The following CFAP44 variants were observed in gnomAD, a reference collection of about 807,000 sequenced individuals.
The protein encoded by CFAP44 is cilia and flagella associated protein 44.
A neutral mutation model predicts 216.2 loss-of-function variants in CFAP44; 134 were observed. The ratio of observed to expected loss-of-function variants is 0.62; its 90% CI spans 0.54 to 0.72. The LOEUF (loss-of-function observed/expected upper bound fraction) is 0.72, where lower values mean the gene tolerates loss of function less well. CFAP44 is among the 30% of genes least tolerant of loss of function. The pLI is 0.00. For missense variants in CFAP44, 2,035 were observed against 2,182.1 expected (o/e 0.93, Z 1.34); for synonymous variants, 700 against 727.6 (o/e 0.96, Z 0.61).
chr3:113,418,040 A>T (rs1269537289), intron 5 of CFAP44, among the ~76,000 whole-genome samples: 1 of 145,172 alleles, frequency 6.9e-6, no homozygotes, highest in Admixed American at 6.9e-5. Context: ...TATTTATTTA[A>T]TTATTTATTG....
intron 28 of CFAP44, among the ~76,000 whole-genome samples, chr3:113,323,525 C>T (rs1051505585): frequency 1.3e-5 from 2 of 152,148 alleles, no homozygotes; most frequent in African/African-American, 4.8e-5. Context: ...ACTATGCTCA[C>T]TACCTGGGTG....
chr3:113,308,939 G>T (rs1444399827), intron 28 of CFAP44, among the ~76,000 whole-genome samples: 2 of 152,168 alleles, frequency 1.3e-5, no homozygotes, highest in Non-Finnish European at 2.9e-5. Flanking sequence ...CTGAAATAAA[G>T]TAATGACATT....
rs1466558225 is a variant in CFAP44, at chr3:113,415,727, AC to A, written c.673+797del. On this transcript the variant is annotated intron_variant, in intron 6 of 34. Coordinates refer to ENST00000393845, the MANE Select transcript of CFAP44 (RefSeq NM_001164496.2). Reference sequence around the variant, plus strand: ...ATTTGATTGCACTGTGGTCTGAGAGACTGTTATGATTTCAACTCTTATGCAT... The same window carrying A: ...ATTTGATTGCACTGTGGTCTGAGAGATGTTATGATTTCAACTCTTATGCAT... 2.6e-5 allele frequency among the ~76,000 whole-genome samples: 4 copies of A among 152,058 alleles called. No homozygotes were observed. The East Asian group carries it at 7.7e-4, about 29-fold the overall frequency.
chr3:113,363,429 T>C (rs919763891), intron 20 of CFAP44, 48 bp downstream of exon 20: 2 of 1,586,386 alleles, frequency 1.3e-6, no homozygotes, highest in Non-Finnish European at 1.7e-6. Flanking sequence ...TGTTGATTTG[T>C]TTTGCAAAAT....
intron 21 of CFAP44, among the ~76,000 whole-genome samples, chr3:113,362,647 G>A (rs1227797058): frequency 6.6e-6 from 1 of 152,070 alleles, no homozygotes; most frequent in Non-Finnish European, 1.5e-5. Flanking sequence ...CAGAGTGCAG[G>A]GATGCACATA....
At chr3:113,296,976 T>G (rs1395917536) in intron 32 of CFAP44, 91 bp from the exon 33 acceptor site, 3 of 1,400,956 alleles carry the variant, frequency 2.1e-6, no homozygotes, top group Non-Finnish European at 2.9e-6. Flanking sequence ...AGGAACTGCT[T>G]TTGCAAGATG....
intron 13 of CFAP44, 117 bp from the exon 14 acceptor site, chr3:113,396,844 CT>C (rs1319248914): frequency 2.1e-6 from 2 of 962,938 alleles, no homozygotes; most frequent in East Asian, 5.2e-5. Flanking sequence ...ATTGGCAATT[CT>C]TTATATCACT....
chr3:113,304,986 T>TTC (rs1265485419), intron 31 of CFAP44, 50 bp downstream of exon 31: 1 of 1,478,986 alleles, frequency 6.8e-7, no homozygotes, highest in African/African-American at 1.4e-5. Context: ...AAAGCTTGGG[T>TTC]GTGATGACTC....
intron 8 of CFAP44, among the ~76,000 whole-genome samples, chr3:113,404,485 T>C (rs1934224144): frequency 6.6e-6 from 1 of 152,206 alleles, no homozygotes; most frequent in South Asian, 2.1e-4. Flanking sequence ...AATTAGCCTG[T>C]TTAATCTGGC....
rs568155408 is a variant in CFAP44 at position 113,347,495 on chromosome 3, G to A, written c.3066-2783C>T. Among the ~76,000 whole-genome samples the A allele has an allele frequency of 2.0e-3, 307 of 152,154 alleles. 1 individual carries two copies. Among genetic ancestry groups the A allele is most frequent in the Non-Finnish European group, 4.0e-3 (269 of 68,014 alleles). ...TAATCCCGCTTCTAAAAACTACCCC[G>A]TCTCTGGTGCTTTTCTAGTTTCTCC... On this transcript the variant is annotated intron_variant, in intron 22 of 34. Coordinates refer to ENST00000393845, the MANE Select transcript of CFAP44 (RefSeq NM_001164496.2).
chr3:113,343,957 T>C (rs1437298616), intron 23 of CFAP44, among the ~76,000 whole-genome samples: 4 of 152,246 alleles, frequency 2.6e-5, no homozygotes, highest in African/African-American at 4.8e-5. Flanking sequence ...AGAATTCTTG[T>C]TCTTTTACTA....
chr3:113,440,436 C>A (rs1039871225), intron 1 of CFAP44, among the ~76,000 whole-genome samples: 1 of 152,136 alleles, frequency 6.6e-6, no homozygotes, highest in Admixed American at 6.5e-5. Flanking sequence ...GAGAAAGCAG[C>A]GTATTTACTC....
intron 24 of CFAP44, among the ~76,000 whole-genome samples, chr3:113,335,971 A>G (rs886925562): frequency 6.6e-6 from 1 of 152,210 alleles, no homozygotes; most frequent in Admixed American, 6.5e-5. Flanking sequence ...ACTAAACTAC[A>G]AGTCAAGGAA....
intron 33 of CFAP44, 41 bp from the exon 34 acceptor site, chr3:113,294,862 G>T (rs565036781): frequency 2.0e-6 from 3 of 1,482,470 alleles, no homozygotes; most frequent in Admixed American, 5.0e-5. Flanking sequence ...TAGTGAATAC[G>T]AGAAGAAAGA....
At chr3:113,331,082 C>A (rs1414087793) in intron 25 of CFAP44, among the ~76,000 whole-genome samples, 3 of 152,172 alleles carry the variant, frequency 2.0e-5, no homozygotes, top group Admixed American at 6.5e-5. Flanking sequence ...CTTAGACTCA[C>A]TTAGGGCTGC....
At chr3:113,330,008 G>A (rs1303734833) in intron 26 of CFAP44, among the ~76,000 whole-genome samples, 160 bp downstream of exon 26, 5 of 152,138 alleles carry the variant, frequency 3.3e-5, no homozygotes, top group Non-Finnish European at 7.3e-5. Context: ...AGAAGGCCAA[G>A]GATGGGGAGG....
intron 22 of CFAP44, among the ~76,000 whole-genome samples, chr3:113,349,147 T>G (rs1437908134): frequency 6.6e-6 from 1 of 152,162 alleles, no homozygotes; most frequent in Non-Finnish European, 1.5e-5. Flanking sequence ...CCATGAATTA[T>G]TCAATGATGT....
chr3:113,323,985 A>C (rs1217122329), intron 28 of CFAP44, among the ~76,000 whole-genome samples: 1 of 149,988 alleles, frequency 6.7e-6, no homozygotes, highest in East Asian at 2.0e-4. Context: ...TGGAGGTTGC[A>C]GTGAGCACAG....
chr3:113,326,619 T>C lies in CFAP44; in HGVS notation c.4342A>G (p.Lys1448Glu). The C allele has an allele frequency of 6.7e-7, 1 of 1,500,224 alleles. No homozygotes were observed. Among genetic ancestry groups the C allele is most frequent in the Non-Finnish European group, 8.8e-7 (1 of 1,135,560 alleles). The allele number at this position is 1,500,224 out of a possible 1,614,324, so 92.9% of individuals were successfully genotyped here. A position where few individuals can be genotyped will look rare whatever the true frequency, so the allele number is the denominator to read the frequency against. Reference protein sequence around the residue: ...YMQWKINETLKEMEEKKNEIT... With the variant: ...YMQWKINETLEEMEEKKNEIT... Reference sequence around the variant, plus strand: ...TCATTCTTTTTCTCTTCCATCTCTTTAAGAGTTTCATTTATTTTCCACTAA... The same window carrying C: ...TCATTCTTTTTCTCTTCCATCTCTTCAAGAGTTTCATTTATTTTCCACTAA... Residue 1448 changes from lysine (K) to glutamate (E), a missense_variant, in exon 28 of 35, where the codon AAA becomes GAA. Lys to Glu is a moderately conservative substitution (Grantham distance 56). Transcript: ENST00000393845.
Sources: allele counts gnomAD v4.1 joint callset (sites outside exome capture counted in the v4.1 genomes callset), GRCh38; gene constraint gnomAD v4.1.1; transcripts MANE v1.5; gene names NCBI Gene and HGNC (gene_info 2026-07-23, HGNC 2026-07-21).